Variants in WDR70 observed in about 807,000 individuals in gnomAD.
WDR70 encodes the protein WD repeat domain 70.
Under a neutral mutation model 88.6 loss-of-function variants are expected in WDR70, and 53 were observed. That is an observed-to-expected ratio of 0.60 (90% CI 0.48 to 0.75). The LOEUF is 0.75. Ranked by LOEUF, WDR70 falls within the 30% of genes least tolerant of loss-of-function variation. The pLI is 0.00. For missense variants in WDR70, 610 were observed against 823.2 expected, an observed-to-expected ratio of 0.74 and a Z score of 3.17; for synonymous variants, 280 against 270.0, an observed-to-expected ratio of 1.04 and a Z score of -0.36.
At chr5:37,606,660 T>C (rs541668990) in intron 10 of WDR70, among the ~76,000 whole-genome samples, 1 of 152,348 alleles carries the variant, frequency 6.6e-6, no homozygotes, top group African/African-American at 2.4e-5. Flanking sequence ...CAAGTATCTC[T>C]TAAAGCCATT....
At chr5:37,668,995 C>T (rs1745944420) in intron 10 of WDR70, among the ~76,000 whole-genome samples, 1 of 152,180 alleles carries the variant, frequency 6.6e-6, no homozygotes, top group Non-Finnish European at 1.5e-5. Flanking sequence ...TTGTGAGCTT[C>T]CTCATTAATG....
In WDR70 at chr5:37,703,152, G is replaced by A. The variant is rs550760717; in HGVS notation, c.1416+65G>A. ...AAGTTTGCCTCTTACCCATCTTTTGGTTTTGTTTGTTAAGTAGAATATAAG... is the reference window on the plus strand; with the variant it reads ...AAGTTTGCCTCTTACCCATCTTTTGATTTTGTTTGTTAAGTAGAATATAAG... On this transcript the variant is annotated intron_variant, in intron 13 of 17. Coordinates refer to ENST00000265107, the MANE Select transcript of WDR70 (RefSeq NM_018034.4). 1.9e-4 allele frequency: 297 copies of A among 1,565,592 alleles called. 1 individual carries two copies. In the South Asian group the frequency reaches 3.0e-3, roughly 16 times the overall value.
At chr5:37,611,928 A>G (rs951253904) in intron 10 of WDR70, among the ~76,000 whole-genome samples, 3 of 152,066 alleles carry the variant, frequency 2.0e-5, no homozygotes, top group Non-Finnish European at 4.4e-5. Context: ...AAAGACTTGT[A>G]TAAGTTAAAC....
At chr5:37,706,999 GATGAC>G (rs1747346673) in intron 13 of WDR70, among the ~76,000 whole-genome samples, 1 of 152,044 alleles carries the variant, frequency 6.6e-6, no homozygotes, top group Non-Finnish European at 1.5e-5. Flanking sequence ...ACAACTTGGT[GATGAC>G]ATGTCAATTT....
At chr5:37,569,891 A>G (rs559786714) in intron 9 of WDR70, among the ~76,000 whole-genome samples, 1 of 152,368 alleles carries the variant, frequency 6.6e-6, no homozygotes, top group South Asian at 2.1e-4. Flanking sequence ...CATTTTATGC[A>G]TGAAAAATGT....
intron 12 of WDR70, 80 bp downstream of exon 12, chr5:37,701,222 A>G: frequency 1.1e-6 from 1 of 892,474 alleles, no homozygotes; most frequent in Non-Finnish European, 1.8e-6. Context: ...AATTTATATC[A>G]TACGTCTTTT....
chr5:37,565,225 T>C (rs557362588), intron 9 of WDR70, among the ~76,000 whole-genome samples: 73 of 152,258 alleles, frequency 4.8e-4, no homozygotes, highest in African/African-American at 1.6e-3. Flanking sequence ...TACTGTAAGC[T>C]CTGTAGAGAG....
At chr5:37,643,030 A>G (rs933104984) in intron 10 of WDR70, among the ~76,000 whole-genome samples, 1 of 151,954 alleles carries the variant, frequency 6.6e-6, no homozygotes, top group African/African-American at 2.4e-5. Flanking sequence ...TTGATTACCT[A>G]TGCTTGTGGG....
intron 8 of WDR70, among the ~76,000 whole-genome samples, chr5:37,500,750 A>T: frequency 1.0e-5 from 1 of 95,714 alleles, no homozygotes; most frequent in Admixed American, 1.4e-4. Context: ...TTTGAGACAG[A>T]GTTTCACCCT....
At position 37,701,141 on chromosome 5, in the gene WDR70, A is replaced by G; in HGVS notation, c.1276A>G (p.Met426Val). 6.3e-7 allele frequency: 1 copy of G among 1,581,482 alleles called. No individual in the cohort carries two copies. Among genetic ancestry groups the G allele is most frequent in the Non-Finnish European group, 8.7e-7 (1 of 1,150,814 alleles). ...CTCGGGTCTTCCCACCATGTTCCCA[A>G]TGTAAGTAGCATATTTTAAATATTT... Reference protein sequence around the residue: ...SASGLPTMFPMTDCCFSPDDK... With the variant: ...SASGLPTMFPVTDCCFSPDDK... The change falls in exon 12 of 18, where the codon ATG becomes GTG. Residue 426 changes from methionine (M) to valine (V), a missense_variant and splice_region_variant. Coordinates refer to ENST00000265107, the MANE Select transcript of WDR70 (RefSeq NM_018034.4).
chr5:37,597,360 C>T (rs1201299424), intron 9 of WDR70, among the ~76,000 whole-genome samples: 1 of 151,928 alleles, frequency 6.6e-6, no homozygotes, highest in Non-Finnish European at 1.5e-5. Context: ...CACTAGGTAT[C>T]GTTAGCTTTT....
At chr5:37,527,407 T>C (rs1451791230) in intron 9 of WDR70, among the ~76,000 whole-genome samples, 1 of 152,232 alleles carries the variant, frequency 6.6e-6, no homozygotes, top group Admixed American at 6.5e-5. Context: ...TAATAAATGA[T>C]GCTGTGAAAA....
chr5:37,580,442 T>C (rs917695257), intron 9 of WDR70, among the ~76,000 whole-genome samples: 4 of 152,220 alleles, frequency 2.6e-5, no homozygotes, highest in Non-Finnish European at 5.9e-5. Flanking sequence ...CAGTGAAAGA[T>C]GGAAACTTTG....
At position 37,728,074 on chromosome 5, in the gene WDR70, G is replaced by A. The variant is rs116874193; in HGVS notation, c.1877+1029G>A. ...TATAATACTATTAACTAGCCCAGGT[G>A]CATTAGCTCATGCTTATAATCCCGA... On this transcript the variant is annotated intron_variant, in intron 17 of 17. Coordinates refer to ENST00000265107, the MANE Select transcript of WDR70 (RefSeq NM_018034.4). Among the ~76,000 whole-genome samples, 53 of 152,056 alleles carry A rather than the reference G, an allele frequency of 3.5e-4. No homozygotes were observed. The East Asian group carries it at 9.3e-3, about 27-fold the overall frequency.
chr5:37,701,854 A>G (rs1747174563), intron 12 of WDR70, among the ~76,000 whole-genome samples: 1 of 151,672 alleles, frequency 6.6e-6, no homozygotes, highest in Non-Finnish European at 1.5e-5. Flanking sequence ...CTGAGCATTT[A>G]TAGTACAGCT....
intron 5 of WDR70, among the ~76,000 whole-genome samples, chr5:37,403,361 T>C (rs961044769): frequency 1.1e-4 from 17 of 152,216 alleles, no homozygotes; most frequent in African/African-American, 3.4e-4. Context: ...CTTGAACTTT[T>C]GCTGTAGCCA....
rs564121179 is a variant in WDR70 at position 37,615,253 on chromosome 5, T to C, written c.1092+10015T>C. On this transcript the variant is annotated intron_variant, in intron 10 of 17. Transcript: ENST00000265107. ...AAAATACAGGAGAGGGAGGTTGGAA[T>C]TAGGTAAGAAAGAGTTACTAAAAAT... Among the ~76,000 whole-genome samples, 15 of 152,046 alleles carry C rather than the reference T, an allele frequency of 9.9e-5. No individual in the cohort carries two copies. In the East Asian group the frequency reaches 2.9e-3, roughly 29 times the overall value.
chr5:37,584,356 T>C (rs890497309), intron 9 of WDR70, among the ~76,000 whole-genome samples: 1 of 152,250 alleles, frequency 6.6e-6, no homozygotes, highest in Non-Finnish European at 1.5e-5. Context: ...AGTTCTGTTG[T>C]AGATTAATTT....
chr5:37,454,302 T>A (rs753064691), intron 7 of WDR70, among the ~76,000 whole-genome samples: 34 of 152,208 alleles, frequency 2.2e-4, no homozygotes, highest in Non-Finnish European at 4.4e-4. Flanking sequence ...GGCTTAAGGC[T>A]GATATGTTTA....
Sources: gnomAD v4.1 joint callset for allele counts (sites outside exome capture counted in the v4.1 genomes callset) on GRCh38, gnomAD v4.1.1 for gene constraint, MANE v1.5 for transcripts, NCBI Gene and HGNC (gene_info 2026-07-23, HGNC 2026-07-21) for gene names.